PEX14: variants seen among roughly 807,000 people sequenced by gnomAD.
PEX14 encodes peroxisomal biogenesis factor 14, also known as peroxisomal membrane protein PEX14.
A neutral mutation model predicts 49.5 loss-of-function variants in PEX14; 15 were observed. The ratio of observed to expected loss-of-function variants is 0.30; its 90% CI spans 0.20 to 0.47. PEX14 has a LOEUF of 0.47. Ranked by LOEUF, PEX14 falls within the 20% of genes least tolerant of loss-of-function variation. The pLI is 1.00. For synonymous variants in PEX14, 210 were observed against 212.7 expected (o/e 0.99, Z 0.11); for missense variants, 398 against 494.8 (o/e 0.80, Z 1.86).
rs1570378272 is a variant in PEX14, at chr1:10,630,021, C to T, written c.*34C>T. The stretch of plus-strand genomic sequence containing the variant: ...CTGCTGCCTCCAGCCCTGAGGATGG[C>T]ATCTAGTGTGCCCGTGCGTGGCCAT... On this transcript the variant is annotated 3_prime_UTR_variant, in exon 9 of 9. Transcript: ENST00000356607. The surrounding 1 kb of genome is among the most constrained non-coding windows in gnomAD (Gnocchi z 4.1). 1 of 1,603,588 alleles carries T rather than the reference C, an allele frequency of 6.2e-7. No homozygotes were observed. Among genetic ancestry groups the T allele is most frequent in the Non-Finnish European group, 8.5e-7 (1 of 1,179,160 alleles).
In PEX14 at chr1:10,613,522, A is replaced by C. The variant is rs530731666; in HGVS notation, c.299-4810A>C. On this transcript the variant is annotated intron_variant, in intron 4 of 8. Coordinates refer to ENST00000356607, the MANE Select transcript of PEX14 (RefSeq NM_004565.3). The surrounding 1 kb of genome is among the most constrained non-coding windows in gnomAD (Gnocchi z 5.0). ...CAGCGCCACAGCGTAGAGGCAGTCC[A>C]GGAAGGCCCAGGTGTGCAGGATGAG... Among the ~76,000 whole-genome samples, 1 of 152,328 alleles carries C rather than the reference A, an allele frequency of 6.6e-6. No individual in the cohort carries two copies. The highest frequency in any genetic ancestry group is 6.5e-5 in the Admixed American group (1 of 15,304).
At chr1:10,577,826 C>T (rs1337804075) in intron 3 of PEX14, among the ~76,000 whole-genome samples, 1 of 150,532 alleles carries the variant, frequency 6.6e-6, no homozygotes, top group Non-Finnish European at 1.5e-5. Context: ...TGGTCTTGAT[C>T]TCCTGACCTG....
intron 3 of PEX14, among the ~76,000 whole-genome samples, chr1:10,588,892 A>G (rs1640577876): frequency 6.6e-6 from 1 of 152,206 alleles, no homozygotes; most frequent in African/African-American, 2.4e-5. Flanking sequence ...GCTAAAATCT[A>G]TTGTAAGAAC....
chr1:10,550,830 A>C (rs1372835546), intron 3 of PEX14, among the ~76,000 whole-genome samples: 1 of 152,200 alleles, frequency 6.6e-6, no homozygotes, highest in African/African-American at 2.4e-5. Flanking sequence ...TAGAAAATGA[A>C]ATCTAGAATG....
At chr1:10,528,410 G>A (rs1638552908) in intron 2 of PEX14, 2 of 370,206 alleles carry the variant, frequency 5.4e-6, no homozygotes, top group African/African-American at 4.4e-5. Flanking sequence ...GTGGTGGAGA[G>A]AAAGAGACTA....
intron 3 of PEX14, among the ~76,000 whole-genome samples, chr1:10,586,628 CTTTTTTTTTT>C (rs35743829): frequency 0.073 from 6,748 of 92,644 alleles, 190 homozygotes; most frequent in East Asian, 0.2. Flanking sequence ...AGCCGTTTAC[CTTTTTTTTTT>C]TTTTTTTTTT....
chr1:10,530,032 A>G (rs1322549756), intron 2 of PEX14, among the ~76,000 whole-genome samples: 1 of 152,164 alleles, frequency 6.6e-6, no homozygotes, highest in Admixed American at 6.5e-5. Context: ...ACCTGAGTAC[A>G]ACTCACTGTC....
intron 3 of PEX14, among the ~76,000 whole-genome samples, chr1:10,580,805 T>G (rs1176193853): frequency 1.3e-5 from 2 of 151,974 alleles, no homozygotes; most frequent in Non-Finnish European, 2.9e-5. Context: ...GTGCATTATT[T>G]TTATTATATT....
chr1:10,614,976 G>A (rs1641371495), intron 4 of PEX14, among the ~76,000 whole-genome samples: 1 of 152,214 alleles, frequency 6.6e-6, no homozygotes, highest in South Asian at 2.1e-4. Context: ...TTGGGGTCGA[G>A]GTGAAAGATC....
intron 2 of PEX14, among the ~76,000 whole-genome samples, chr1:10,508,229 C>T (rs1006431638): frequency 2.6e-5 from 4 of 151,774 alleles, no homozygotes; most frequent in Admixed American, 1.3e-4. Context: ...TTTTTTGAGA[C>T]GGAGTCTCGC....
intron 1 of PEX14, among the ~76,000 whole-genome samples, chr1:10,484,339 A>T (rs1641332603): frequency 6.6e-6 from 1 of 150,580 alleles, no homozygotes; most frequent in Non-Finnish European, 1.5e-5. Flanking sequence ...CGTCCAGCCA[A>T]TTTTTTTTTG....
chr1:10,606,256 G>C (rs138016115), intron 4 of PEX14, among the ~76,000 whole-genome samples: 1 of 152,334 alleles, frequency 6.6e-6, no homozygotes, highest in South Asian at 2.1e-4. Context: ...CATCCGTCTC[G>C]TGGTGCAGTG....
intron 4 of PEX14, among the ~76,000 whole-genome samples, chr1:10,600,452 C>A (rs1337507351): frequency 6.6e-6 from 1 of 151,718 alleles, no homozygotes; most frequent in Non-Finnish European, 1.5e-5. Context: ...TGCAGTGGCT[C>A]ACATCTGTAA....
chr1:10,527,576 G>GTTCT (rs1454000694), intron 2 of PEX14, among the ~76,000 whole-genome samples: 1 of 151,772 alleles, frequency 6.6e-6, no homozygotes, highest in Non-Finnish European at 1.5e-5. Context: ...GCTATGAGTA[G>GTTCT]TTCTTTTTTT....
intron 3 of PEX14, among the ~76,000 whole-genome samples, chr1:10,596,689 T>C (rs1043789784): frequency 9.2e-5 from 14 of 152,190 alleles, no homozygotes; most frequent in Admixed American, 5.2e-4. Flanking sequence ...TCAGGTTTCT[T>C]ATCTGTTAAA....
At position 10,534,282 on chromosome 1, in the gene PEX14, G is replaced by A. The variant is rs375077410; in HGVS notation, c.85-1931G>A. On this transcript the variant is annotated intron_variant, in intron 2 of 8. Transcript: ENST00000356607. ...CGCCATCTGAGCTGTGCAGACTGGCGCTGACCCTGGGGGCCAGTGACTGGG... is the reference window on the plus strand; with the variant it reads ...CGCCATCTGAGCTGTGCAGACTGGCACTGACCCTGGGGGCCAGTGACTGGG... 7.9e-5 allele frequency among the ~76,000 whole-genome samples: 12 copies of A among 152,146 alleles called. No homozygotes were observed. In the East Asian group the frequency reaches 9.7e-4, roughly 12 times the overall value.
rs192434945 is a variant in PEX14 at position 10,475,365 on chromosome 1, C to T, written c.36+363C>T. Among the ~76,000 whole-genome samples, 218 of 152,286 alleles carry T rather than the reference C, an allele frequency of 1.4e-3. 2 individuals carry two copies. Among genetic ancestry groups the T allele is most frequent in the Middle Eastern group, 6.8e-3 (2 of 294 alleles). On this transcript the variant is annotated intron_variant, in intron 1 of 8. Coordinates refer to ENST00000356607, the MANE Select transcript of PEX14 (RefSeq NM_004565.3). ...AGAAGGAGAGGATAGATCGATCGTT[C>T]CCGGCTGTCCCCTCCGGGGAGGGGC...
In PEX14 at chr1:10,629,714, G is replaced by A. The variant is rs371329619; in HGVS notation, c.861G>A (p.Thr287=). 9.3e-6 allele frequency: 15 copies of A among 1,607,508 alleles called. No homozygotes were observed. Among genetic ancestry groups the A allele is most frequent in the South Asian group, 4.4e-5 (4 of 90,176 alleles). Residue 287 remains threonine, a synonymous_variant, in exon 9 of 9, where the codon ACG becomes ACA. Coordinates refer to ENST00000356607, the MANE Select transcript of PEX14 (RefSeq NM_004565.3). The surrounding 1 kb of genome is among the most constrained non-coding windows in gnomAD (Gnocchi z 8.5). ...GKEGHSPEGS[T]VTYHLLGPQE... The stretch of plus-strand genomic sequence containing the variant: ...AGGGCCACAGCCCCGAGGGCTCCAC[G>A]GTCACCTACCACTTGCTGGGCCCCC...
At chr1:10,508,943 CT>C (rs60354536) in intron 2 of PEX14, among the ~76,000 whole-genome samples, 36 of 147,242 alleles carry the variant, frequency 2.4e-4, no homozygotes, top group African/African-American at 3.7e-4. Context: ...GGCATGCCTC[CT>C]TTTTTTTTTT....
Sources: gnomAD v4.1 joint callset for allele counts (sites outside exome capture counted in the v4.1 genomes callset) on GRCh38, gnomAD v4.1.1 for gene constraint, Gnocchi (gnomAD v3.1) non-coding constraint, MANE v1.5 for transcripts, NCBI Gene and HGNC (gene_info 2026-07-23, HGNC 2026-07-21) for gene names.